Variants in PARD3 observed in about 807,000 individuals in gnomAD.
PARD3 encodes the protein partitioning defective 3 homolog.
A neutral mutation model predicts 155.4 loss-of-function variants in PARD3; 75 were observed. That is an observed-to-expected ratio of 0.48 (90% CI 0.40 to 0.58). PARD3 has a LOEUF of 0.58. PARD3 is among the 20% of genes least tolerant of loss of function. PARD3 has a pLI of 0.00. For synonymous variants in PARD3, 576 were observed against 610.5 expected (o/e 0.94, Z 0.83); for missense variants, 1,642 against 1,721.7 (o/e 0.95, Z 0.82).
chr10:34,245,206 G>A (rs1953865551), intron 22 of PARD3, among the ~76,000 whole-genome samples: 1 of 152,154 alleles, frequency 6.6e-6, no homozygotes, highest in African/African-American at 2.4e-5. Flanking sequence ...TACTAAATTT[G>A]CAGAAAAGAT....
intron 1 of PARD3, among the ~76,000 whole-genome samples, chr10:34,781,164 C>T (rs1457444124): frequency 6.6e-6 from 1 of 152,172 alleles, no homozygotes; most frequent in African/African-American, 2.4e-5. Flanking sequence ...GAGGCTCACA[C>T]GAGCATAAAT....
chr10:34,678,471 T>TA (rs566873030), intron 2 of PARD3, among the ~76,000 whole-genome samples: 1 of 152,312 alleles, frequency 6.6e-6, no homozygotes, highest in South Asian at 2.1e-4. Flanking sequence ...ATTATTTTGT[T>TA]ATACATAAAA....
chr10:34,312,221 T>G, intron 20 of PARD3: 1 of 1,530,310 alleles, frequency 6.5e-7, no homozygotes, highest in Middle Eastern at 1.8e-4. Flanking sequence ...ACCATCAAAC[T>G]GCTGATGTCG....
intron 1 of PARD3, among the ~76,000 whole-genome samples, chr10:34,762,464 C>A (rs576317151): frequency 7.4e-6 from 1 of 134,980 alleles, no homozygotes; most frequent in African/African-American, 2.7e-5. Context: ...TGCCACCATG[C>A]CTGACTTTTT....
At chr10:34,704,184 C>G (rs2094328679) in intron 1 of PARD3, among the ~76,000 whole-genome samples, 1 of 152,114 alleles carries the variant, frequency 6.6e-6, no homozygotes, top group East Asian at 1.9e-4. Flanking sequence ...CTAAACACAG[C>G]AAGACACAAT....
At chr10:34,769,311 C>T (rs1410788448) in intron 1 of PARD3, among the ~76,000 whole-genome samples, 1 of 152,192 alleles carries the variant, frequency 6.6e-6, no homozygotes. Context: ...TATCTGCCCA[C>T]CCCTATAGCC....
intron 21 of PARD3, among the ~76,000 whole-genome samples, chr10:34,273,691 T>C (rs1441759124): frequency 2.0e-5 from 3 of 152,234 alleles, no homozygotes; most frequent in South Asian, 2.1e-4. Flanking sequence ...ACTATATTCA[T>C]AACTTCCTAT....
intron 6 of PARD3, among the ~76,000 whole-genome samples, chr10:34,399,942 C>A (rs1207082660): frequency 6.6e-6 from 1 of 152,110 alleles, no homozygotes; most frequent in East Asian, 1.9e-4. Context: ...TCCAATAATC[C>A]AATGAGACCA....
intron 2 of PARD3, among the ~76,000 whole-genome samples, chr10:34,564,966 C>T (rs1165062887): frequency 6.6e-6 from 1 of 151,994 alleles, no homozygotes; most frequent in Non-Finnish European, 1.5e-5. Flanking sequence ...AAACTGAGGC[C>T]CAGAAAAGCC....
chr10:34,705,699 A>G (rs1278662390), intron 1 of PARD3, among the ~76,000 whole-genome samples: 1 of 152,134 alleles, frequency 6.6e-6, no homozygotes, highest in East Asian at 1.9e-4. Context: ...TCTCATGCTA[A>G]GTACACTGCT....
At chr10:34,346,517 C>T in intron 15 of PARD3, 1 of 1,312,922 alleles carries the variant, frequency 7.6e-7, no homozygotes, top group Non-Finnish European at 1.0e-6. Flanking sequence ...CATGCACACT[C>T]TCTCTCTCTC....
chr10:34,813,955 G>C (rs1844551850), intron 1 of PARD3, among the ~76,000 whole-genome samples: 1 of 152,202 alleles, frequency 6.6e-6, no homozygotes. Context: ...TTAACAAAAC[G>C]CCTTTTCACT....
chr10:34,566,078 G>A (rs1466551409), intron 2 of PARD3, among the ~76,000 whole-genome samples: 1 of 152,216 alleles, frequency 6.6e-6, no homozygotes, highest in Non-Finnish European at 1.5e-5. Flanking sequence ...GTCTGGAGCT[G>A]AGTCAACAAT....
intron 2 of PARD3, among the ~76,000 whole-genome samples, chr10:34,618,521 C>CAA (rs1564423508): frequency 7.9e-5 from 12 of 151,854 alleles, no homozygotes. Flanking sequence ...TCTCCAAAAA[C>CAA]AAAGTAATAG....
At chr10:34,715,651 T>C (rs754018003) in intron 1 of PARD3, among the ~76,000 whole-genome samples, 1 of 152,228 alleles carries the variant, frequency 6.6e-6, no homozygotes, top group Non-Finnish European at 1.5e-5. Context: ...AAATGACGTC[T>C]TGAAGATGTG....
At chr10:34,734,986 G>T (rs980001215) in intron 1 of PARD3, among the ~76,000 whole-genome samples, 3 of 131,762 alleles carry the variant, frequency 2.3e-5, no homozygotes, top group African/African-American at 8.5e-5. Context: ...AGGGCTTATG[G>T]GAAAAAAAAA....
chr10:34,353,049 T>C (rs1838329804), intron 14 of PARD3, among the ~76,000 whole-genome samples: 1 of 150,064 alleles, frequency 6.7e-6, no homozygotes, highest in African/African-American at 2.5e-5. Context: ...GTCTGAGAAG[T>C]GAGGAGCCCC....
intron 22 of PARD3, among the ~76,000 whole-genome samples, chr10:34,178,742 A>C (rs554152410): frequency 3.3e-5 from 5 of 152,224 alleles, no homozygotes; most frequent in Non-Finnish European, 7.3e-5. Flanking sequence ...TGGTAGAAAG[A>C]AAAAACAATT....
chr10:34,533,644 T>TA (rs2083012945), intron 2 of PARD3, among the ~76,000 whole-genome samples: 1 of 151,558 alleles, frequency 6.6e-6, no homozygotes, highest in African/African-American at 2.4e-5. Flanking sequence ...CCATCTCTAC[T>TA]AAAAAATACA....
Sources: gnomAD v4.1 joint callset for allele counts (sites outside exome capture counted in the v4.1 genomes callset) on GRCh38, gnomAD v4.1.1 for gene constraint, MANE v1.5 for transcripts, NCBI Gene and HGNC (gene_info 2026-07-23, HGNC 2026-07-21) for gene names.